The following CSMD1 variants were observed in gnomAD, a reference collection of about 807,000 sequenced individuals.
CSMD1 encodes CUB and sushi domain-containing protein 1.
In CSMD1, 213 loss-of-function variants were observed where a neutral mutation model predicts 417.5. The ratio of observed to expected loss-of-function variants is 0.51; its 90% CI spans 0.46 to 0.57. CSMD1 has a LOEUF of 0.57. CSMD1 is among the 20% of genes least tolerant of loss of function. The probability of loss-of-function intolerance (pLI) is 0.00; values close to 1 mark genes in which losing one functional copy is unlikely to be tolerated. For missense variants in CSMD1, 6,923 were observed against 4,529.7 expected (o/e 1.53, Z -15.17); for synonymous variants, 2,862 against 1,736.8 (o/e 1.65, Z -16.11).
At chr8:3,807,524 A>C (rs1186763661) in intron 5 of CSMD1, among the ~76,000 whole-genome samples, 1 of 152,206 alleles carries the variant, frequency 6.6e-6, no homozygotes, top group Non-Finnish European at 1.5e-5. Flanking sequence ...CAGAGCTTCA[A>C]CAGATACTAA....
At chr8:4,261,203 T>G (rs1037930984) in intron 3 of CSMD1, among the ~76,000 whole-genome samples, 1 of 152,190 alleles carries the variant, frequency 6.6e-6, no homozygotes, top group African/African-American at 2.4e-5. Flanking sequence ...TAAAAGCTAC[T>G]AGAGAAAGGA....
intron 49 of CSMD1, among the ~76,000 whole-genome samples, chr8:3,074,614 T>C (rs544551375): frequency 5.9e-5 from 9 of 152,234 alleles, no homozygotes; most frequent in African/African-American, 4.8e-5. Context: ...TTGTATCCTG[T>C]GGCAATGAGT....
intron 3 of CSMD1, among the ~76,000 whole-genome samples, chr8:4,220,163 C>G (rs1438814013): frequency 2.0e-5 from 3 of 152,178 alleles, no homozygotes; most frequent in Non-Finnish European, 2.9e-5. Context: ...GTCGGCCAAG[C>G]TCGTCTTGAA....
At position 3,712,953 on chromosome 8, in the gene CSMD1, C is replaced by A. The variant is rs114301987; in HGVS notation, c.932-4462G>T. The stretch of plus-strand genomic sequence containing the variant: ...ACATCATTGTGACTGTAGTTAATAA[C>A]AATGTATTGTGTGCTTCAAAGGTGC... On this transcript the variant is annotated intron_variant, in intron 6 of 69. Coordinates refer to ENST00000635120, the MANE Select transcript of CSMD1 (RefSeq NM_033225.6). Among the ~76,000 whole-genome samples, 636 of 152,126 alleles carry A rather than the reference C, an allele frequency of 4.2e-3. 4 individuals carry two copies. Among genetic ancestry groups the A allele is most frequent in the African/African-American group, 0.015 (624 of 41,484 alleles).
intron 3 of CSMD1, among the ~76,000 whole-genome samples, chr8:4,091,171 G>A (rs540874917): frequency 2.8e-4 from 43 of 151,956 alleles, no homozygotes; most frequent in Non-Finnish European, 5.0e-4. Flanking sequence ...CACATGGCTC[G>A]GCCTCCCAAA....
chr8:4,954,412 AG>A (rs1482747520), intron 1 of CSMD1, among the ~76,000 whole-genome samples: 1 of 152,164 alleles, frequency 6.6e-6, no homozygotes, highest in Non-Finnish European at 1.5e-5. Flanking sequence ...TTTCCAGGTT[AG>A]CACTCCCAAT....
chr8:4,544,005 T>A (rs149794057), intron 2 of CSMD1, among the ~76,000 whole-genome samples: 2 of 152,298 alleles, frequency 1.3e-5, no homozygotes, highest in African/African-American at 4.8e-5. Flanking sequence ...TTACATTTAA[T>A]TATATATTTT....
chr8:2,951,419 G>T (rs1802623886), intron 65 of CSMD1, 144 bp from the exon 66 acceptor site: 1 of 779,888 alleles, frequency 1.3e-6, no homozygotes. Context: ...CTAGTGCATC[G>T]CTGTTCACAG....
At position 4,140,921 on chromosome 8, in the gene CSMD1, A is replaced by T. The variant is rs183303218; in HGVS notation, c.416-108822T>A. Reference sequence around the variant, plus strand: ...GCTCAGTAGGGCCGACTTACTGCTAACAAAAACTTCAACACCAACAACAAA... The same window carrying T: ...GCTCAGTAGGGCCGACTTACTGCTATCAAAAACTTCAACACCAACAACAAA... On this transcript the variant is annotated intron_variant, in intron 3 of 69. Transcript: ENST00000635120. Among the ~76,000 whole-genome samples the T allele has an allele frequency of 3.6e-3, 549 of 151,352 alleles. 11 individuals carry two copies. The highest frequency in any genetic ancestry group is 1.6e-3 in the Non-Finnish European group (111 of 68,030).
intron 3 of CSMD1, among the ~76,000 whole-genome samples, chr8:4,388,346 G>C (rs77040250): frequency 8.9e-6 from 1 of 112,184 alleles, no homozygotes; most frequent in Non-Finnish European, 2.1e-5. Flanking sequence ...ACACACACAC[G>C]AACACATGAT....
At chr8:2,976,772 A>C (rs141461839) in intron 55 of CSMD1, among the ~76,000 whole-genome samples, 82 of 152,328 alleles carry the variant, frequency 5.4e-4, no homozygotes, top group African/African-American at 2.0e-3. Context: ...AAATCTTCAG[A>C]CTATGATCTT....
At chr8:4,804,272 T>G (rs1260695697) in intron 1 of CSMD1, among the ~76,000 whole-genome samples, 1 of 152,146 alleles carries the variant, frequency 6.6e-6, no homozygotes, top group Non-Finnish European at 1.5e-5. Flanking sequence ...CTCTAATTAT[T>G]GAAGCTGGAA....
At chr8:3,070,439 G>T (rs771842102) in intron 49 of CSMD1, among the ~76,000 whole-genome samples, 1 of 152,156 alleles carries the variant, frequency 6.6e-6, no homozygotes, top group Non-Finnish European at 1.5e-5. Flanking sequence ...GCTGTATAAA[G>T]CAGCCAGGCC....
intron 3 of CSMD1, among the ~76,000 whole-genome samples, chr8:4,040,938 A>G (rs1309250359): frequency 1.3e-5 from 2 of 151,182 alleles, no homozygotes; most frequent in African/African-American, 2.4e-5. Context: ...TTATTAAATA[A>G]TCTTATGGTC....
At chr8:3,189,617 G>GT (rs1392504886) in intron 34 of CSMD1, among the ~76,000 whole-genome samples, 3 of 152,098 alleles carry the variant, frequency 2.0e-5, no homozygotes, top group African/African-American at 4.8e-5. Context: ...CATGATAATG[G>GT]TTTTTTCCCA....
intron 68 of CSMD1, among the ~76,000 whole-genome samples, chr8:2,942,950 G>A (rs1202280397): frequency 3.3e-5 from 5 of 152,136 alleles, no homozygotes; most frequent in Non-Finnish European, 7.4e-5. Flanking sequence ...TATATTCAGA[G>A]GTCAATAATA....
chr8:4,071,307 T>G (rs1286289261), intron 3 of CSMD1, among the ~76,000 whole-genome samples: 1 of 152,184 alleles, frequency 6.6e-6, no homozygotes, highest in African/African-American at 2.4e-5. Context: ...TATATTCTAC[T>G]GATTAGATAA....
intron 3 of CSMD1, among the ~76,000 whole-genome samples, chr8:4,308,141 G>A (rs1387985000): frequency 1.3e-5 from 2 of 152,222 alleles, no homozygotes; most frequent in African/African-American, 4.8e-5. Context: ...TTTACTTAGA[G>A]AAACAAGAGC....
intron 15 of CSMD1, among the ~76,000 whole-genome samples, chr8:3,401,788 T>A (rs1812054435): frequency 6.6e-6 from 1 of 152,222 alleles, no homozygotes; most frequent in Admixed American, 6.5e-5. Flanking sequence ...CCAGAACCCA[T>A]GACAAGGTTC....
Sources: allele counts gnomAD v4.1 joint callset (sites outside exome capture counted in the v4.1 genomes callset), GRCh38; gene constraint gnomAD v4.1.1; transcripts MANE v1.5; gene names NCBI Gene and HGNC (gene_info 2026-07-23, HGNC 2026-07-21).